MSANTD4: variants seen among roughly 807,000 people sequenced by gnomAD.
MSANTD4 encodes the protein Myb/SANT DNA binding domain containing 4 with coiled-coils.
MSANTD4 carries 13 observed loss-of-function variants against 34.3 expected under a neutral mutation model. The observed-to-expected ratio is 0.38, with a 90% CI of 0.25 to 0.60. MSANTD4 has a LOEUF of 0.60. Among genes scored for constraint, MSANTD4 ranks in the 20% least tolerant of loss-of-function variants. The probability of loss-of-function intolerance (pLI) is 0.63; values close to 1 mark genes in which losing one functional copy is unlikely to be tolerated. For synonymous variants in MSANTD4, 137 were observed against 145.2 expected, an observed-to-expected ratio of 0.94 and a Z score of 0.41; for missense variants, 358 against 401.8, an observed-to-expected ratio of 0.89 and a Z score of 0.93.
At position 106,009,696 on chromosome 11, in the gene MSANTD4, T is replaced by C; in HGVS notation, c.877A>G (p.Ile293Val). The change falls in exon 3 of 3, where the codon ATA (isoleucine) becomes GTA (valine). Residue 293 changes from isoleucine to valine, a missense_variant. Ile to Val is a conservative substitution (Grantham distance 29, BLOSUM62 3). Transcript: ENST00000301919. ...GEKSMLQPQD[I>V]ETEKLKLERE... ...TCAAGTTTTAACTTCTCTGTTTCTA[T>C]GTCCTGTGGTTGAAGCATGGATTTT... The C allele has an allele frequency of 4.3e-6, 7 of 1,614,218 alleles. No homozygotes were observed. The highest frequency in any genetic ancestry group is 5.9e-6 in the Non-Finnish European group (7 of 1,180,028).
At chr11:106,015,187 G>T (rs1002098651) in intron 1 of MSANTD4, among the ~76,000 whole-genome samples, 1 of 152,180 alleles carries the variant, frequency 6.6e-6, no homozygotes, top group African/African-American at 2.4e-5. Context: ...ATCAAAAGAG[G>T]TAGTGTGTGT....
chr11:106,019,414 T>C (rs533626869), intron 1 of MSANTD4, among the ~76,000 whole-genome samples: 3 of 152,332 alleles, frequency 2.0e-5, no homozygotes, highest in South Asian at 2.1e-4. Flanking sequence ...TAAACAATTA[T>C]TGAGATATTT....
chr11:106,012,755 C>T (rs566915056), intron 1 of MSANTD4, among the ~76,000 whole-genome samples: 10 of 152,302 alleles, frequency 6.6e-5, no homozygotes, highest in East Asian at 5.8e-4. Flanking sequence ...CACAGTAAAA[C>T]GTCTGTGCTA....
At chr11:106,017,626 C>T (rs1312212730) in intron 1 of MSANTD4, among the ~76,000 whole-genome samples, 2 of 151,824 alleles carry the variant, frequency 1.3e-5, no homozygotes, top group Admixed American at 6.6e-5. Context: ...CCAGAAAAAT[C>T]GTTTATAATA....
In MSANTD4 at chr11:106,010,585, T is replaced by C. The variant is rs1859665184; in HGVS notation, c.333A>G (p.Ile111Met). The change falls in exon 2 of 3, where the codon ATA (isoleucine) becomes ATG (methionine). Residue 111 changes from isoleucine (I) to methionine (M), a missense_variant. Physicochemically the swap from Ile to Met is conservative, Grantham distance 10. Transcript: ENST00000301919. Reference sequence around the variant, plus strand: ...CATTTCGGAATCCAATCTTTTCATCTATCTCTTCAGTGAGAGAGTCATCCA... The same window carrying C: ...CATTTCGGAATCCAATCTTTTCATCCATCTCTTCAGTGAGAGAGTCATCCA... Reference protein sequence around the residue: ...SDLDDSLTEEIDEKIGFRNDA... With the variant: ...SDLDDSLTEEMDEKIGFRNDA... 1 of 1,614,212 alleles carries C rather than the reference T, an allele frequency of 6.2e-7. No homozygotes were observed. The highest frequency in any genetic ancestry group is 2.2e-5 in the East Asian group (1 of 44,876).
chr11:106,009,962 A>G lies in MSANTD4; in HGVS notation c.611T>C (p.Leu204Pro). 2 of 1,612,616 alleles carry G rather than the reference A, an allele frequency of 1.2e-6. No individual in the cohort carries two copies. The highest frequency in any genetic ancestry group is 1.7e-6 in the Non-Finnish European group (2 of 1,180,010). Reference protein sequence around the residue: ...SRSAYDEPHLLVNIEKQKLEL... With the variant: ...SRSAYDEPHLPVNIEKQKLEL... ...TAGTTTCTGTTTCTCAATATTTACG[A>G]GCAAATGAGGCTCATCATATGCAGA... The change falls in exon 3 of 3, where the codon CTC (leucine) becomes CCC (proline). Residue 204 changes from leucine to proline, a missense_variant. By Grantham distance (98) the Leu-to-Pro change is moderately conservative. Around this residue, in one of 2 missense-constraint regions of MSANTD4, gnomAD observed 312 missense variants for 317.6 expected, o/e 0.98. Transcript: ENST00000301919.
intron 2 of MSANTD4, 35 bp downstream of exon 2, chr11:106,010,421 A>G (rs1415065783): frequency 6.5e-7 from 1 of 1,548,682 alleles, no homozygotes; most frequent in Admixed American, 2.0e-5. Flanking sequence ...TCAGAATTGA[A>G]AAGATTAAAA....
Position 106,010,679 on chromosome 11 carries a change from A to T in MSANTD4, c.239T>A (p.Met80Lys). 12 of 1,614,156 alleles carry T rather than the reference A, an allele frequency of 7.4e-6. No individual in the cohort carries two copies. The highest frequency in any genetic ancestry group is 1.0e-5 in the Non-Finnish European group (12 of 1,180,016). Reference protein sequence around the residue: ...KRRYLDWRALMKRKRMKANIK... With the variant: ...KRRYLDWRALKKRKRMKANIK... Reference sequence around the variant, plus strand: ...GTTGGCCTTCATCCTCTTTCTCTTCATAAGTGCTCGCCAGTCAAGGTACCT... The same window carrying T: ...GTTGGCCTTCATCCTCTTTCTCTTCTTAAGTGCTCGCCAGTCAAGGTACCT... The change falls in exon 2 of 3, where the codon ATG becomes AAG. Residue 80 changes from methionine (M) to lysine (K), a missense_variant. Physicochemically the swap from Met to Lys is moderately conservative, Grantham distance 95. This residue lies in a region of MSANTD4 where 312 missense variants were observed against 317.6 expected (regional missense o/e 0.98). Transcript: ENST00000301919.
intron 1 of MSANTD4, among the ~76,000 whole-genome samples, chr11:106,013,991 C>T (rs1859773552): frequency 6.6e-6 from 1 of 152,204 alleles, no homozygotes; most frequent in Admixed American, 6.5e-5. Context: ...GTTACATTTC[C>T]TCTACCTCCT....
At chr11:106,020,045 A>G (rs1262420487) in intron 1 of MSANTD4, among the ~76,000 whole-genome samples, 3 of 152,240 alleles carry the variant, frequency 2.0e-5, no homozygotes, top group Non-Finnish European at 4.4e-5. Context: ...GCTATTATCC[A>G]TTGCCCAGTA....
Position 106,015,591 on chromosome 11 carries a change from T to G in MSANTD4, c.-150-4524A>C, listed in dbSNP as rs530759826. ...TGTGGTGGAACCTGCCCATGAGAGCTCTCAAGAATCAATTGCGGACATCTC... is the reference window on the plus strand; with the variant it reads ...TGTGGTGGAACCTGCCCATGAGAGCGCTCAAGAATCAATTGCGGACATCTC... On this transcript the variant is annotated intron_variant, in intron 1 of 2. Transcript: ENST00000301919. Among the ~76,000 whole-genome samples the G allele has an allele frequency of 4.6e-5, 7 of 152,316 alleles. No individual in the cohort carries two copies. The South Asian group carries it at 1.5e-3, about 32-fold the overall frequency.
chr11:106,018,378 C>A (rs1859922309), intron 1 of MSANTD4, among the ~76,000 whole-genome samples: 1 of 151,878 alleles, frequency 6.6e-6, no homozygotes, highest in Admixed American at 6.6e-5. Context: ...AGGTCTATAG[C>A]ACATCAAAAT....
chr11:106,009,823 A>C lies in MSANTD4; in HGVS notation c.750T>G (p.Leu250=). Residue 250 remains leucine (L), a synonymous_variant, in exon 3 of 3, where the codon CTT becomes CTG. Transcript: ENST00000301919. ...LRHLDMEHER[L]QLEKERLQIE... is the part of the protein sequence containing the mutation. Reference sequence around the variant, plus strand: ...TCTGCAGCCGCTCCTTCTCTAGCTGAAGCCGCTCATGTTCCATGTCTAAAT... The same window carrying C: ...TCTGCAGCCGCTCCTTCTCTAGCTGCAGCCGCTCATGTTCCATGTCTAAAT... 1.2e-6 allele frequency: 2 copies of C among 1,614,180 alleles called. No individual in the cohort carries two copies. The highest frequency in any genetic ancestry group is 1.7e-6 in the Non-Finnish European group (2 of 1,180,038).
Position 106,021,260 on chromosome 11 carries a change from CT to C in MSANTD4, c.-450del, listed in dbSNP as rs1321768227. On this transcript the variant is annotated 5_prime_UTR_variant, in exon 1 of 3. Transcript: ENST00000301919. ...GCTGCAGTCTCTAAAACTTACAAAC[CT>C]TCTATGCCCAATCACAGAGAACAGC... 2.0e-5 allele frequency: 3 copies of C among 152,200 alleles called. No homozygotes were observed. Among genetic ancestry groups the C allele is most frequent in the Non-Finnish European group, 4.4e-5 (3 of 68,046 alleles). 9.4% of individuals were successfully genotyped at this position (152,200 alleles called of 1,614,324 possible). A position where few individuals can be genotyped will look rare whatever the true frequency, so the allele number is the denominator to read the frequency against.
At chr11:106,018,037 A>G (rs1272128048) in intron 1 of MSANTD4, among the ~76,000 whole-genome samples, 1 of 152,172 alleles carries the variant, frequency 6.6e-6, no homozygotes, top group Non-Finnish European at 1.5e-5. Flanking sequence ...GAGTAGCAAC[A>G]GTCTAGGCTA....
chr11:106,021,588 T>G lies in MSANTD4; in HGVS notation c.-777A>C, dbSNP rs1051976488. On this transcript the variant is annotated 5_prime_UTR_variant, in exon 1 of 3. Transcript: ENST00000301919. ...TCTACAATATCAAACCCTACCCAAATTCTCTTTAAAGTGTGGCTTTCCCCT... is the reference window on the plus strand; with the variant it reads ...TCTACAATATCAAACCCTACCCAAAGTCTCTTTAAAGTGTGGCTTTCCCCT... 1 of 152,122 alleles carries G rather than the reference T, an allele frequency of 6.6e-6. No homozygotes were observed. Among genetic ancestry groups the G allele is most frequent in the Non-Finnish European group, 1.5e-5 (1 of 68,010 alleles). 9.4% of individuals were successfully genotyped at this position (152,122 alleles called of 1,614,324 possible).
chr11:106,009,943 C>A lies in MSANTD4; in HGVS notation c.630G>T (p.Gln210His), dbSNP rs1443019250. The A allele has an allele frequency of 3.7e-6, 6 of 1,613,394 alleles. No homozygotes were observed. The highest frequency in any genetic ancestry group is 5.1e-6 in the Non-Finnish European group (6 of 1,180,016). Residue 210 changes from glutamine (Q) to histidine (H), a missense_variant, in exon 3 of 3, where the codon CAG becomes CAT. Gln to His is a conservative substitution (Grantham distance 24). This residue lies in a region of MSANTD4 where 312 missense variants were observed against 317.6 expected (regional missense o/e 0.98). Transcript: ENST00000301919. ...EPHLLVNIEKQKLELEKRRLD... is the reference protein window; with the variant it reads ...EPHLLVNIEKHKLELEKRRLD... ...GTCGTCGTTTTTCCAACTCTAGTTT[C>A]TGTTTCTCAATATTTACGAGCAAAT...
At chr11:106,011,609 C>G (rs1166516907) in intron 1 of MSANTD4, among the ~76,000 whole-genome samples, 1 of 142,018 alleles carries the variant, frequency 7.0e-6, no homozygotes, top group Admixed American at 7.2e-5. Flanking sequence ...TATACTTGTG[C>G]TAACATACAG....
chr11:106,010,524 T>G lies in MSANTD4; in HGVS notation c.394A>C (p.Arg132=). 1 of 1,614,206 alleles carries G rather than the reference T, an allele frequency of 6.2e-7. No individual in the cohort carries two copies. The highest frequency in any genetic ancestry group is 8.5e-7 in the Non-Finnish European group (1 of 1,180,014). ...NFDWQNVADF[R]DAGGSLTEVK... ...TCAGTTAAGGATCCACCTGCATCCC[T>G]GAAATCTGCCACATTTTGCCAGTCA... is the stretch of plus-strand genomic sequence containing the variant. The change falls in exon 2 of 3, where the codon AGG becomes CGG. Residue 132 remains arginine, a synonymous_variant. Transcript: ENST00000301919.
Sources: allele counts gnomAD v4.1 joint callset (sites outside exome capture counted in the v4.1 genomes callset), GRCh38; gene constraint gnomAD v4.1.1; regional missense constraint gnomAD v4.1.1; transcripts MANE v1.5; gene names NCBI Gene and HGNC (gene_info 2026-07-23, HGNC 2026-07-21).